The following RAD23B variants were observed in gnomAD, a reference collection of about 807,000 sequenced individuals.
RAD23B encodes the protein RAD23 nucleotide excision repair protein B.
A neutral mutation model predicts 49.1 loss-of-function variants in RAD23B; 5 were observed. That is an observed-to-expected ratio of 0.10 (90% CI 0.05 to 0.21). The LOEUF (loss-of-function observed/expected upper bound fraction) is 0.21. Ranked by LOEUF, RAD23B falls within the 10% of genes least tolerant of loss-of-function variation. The pLI, the probability that RAD23B is intolerant of heterozygous loss-of-function variation, is 1.00. For synonymous variants in RAD23B, 184 were observed against 165.4 expected (o/e 1.11, Z -0.86); for missense variants, 356 against 486.7 (o/e 0.73, Z 2.53).
Position 107,318,801 on chromosome 9 carries a change from C to G in RAD23B, c.603C>G (p.Gly201=). Residue 201 remains glycine, a synonymous_variant, in exon 6 of 10, where the codon GGC becomes GGG. Coordinates refer to ENST00000358015, the MANE Select transcript of RAD23B (RefSeq NM_002874.5). This position sits in a 1 kb window ranked among gnomAD's most constrained non-coding sequence, Gnocchi z 4.3. Reference sequence around the variant, plus strand: ...TGGTAACTGAGATCATGTCAATGGGCTATGAACGAGAGCAAGTAATTGCAG... The same window carrying G: ...TGGTAACTGAGATCATGTCAATGGGGTATGAACGAGAGCAAGTAATTGCAG... ...ENMVTEIMSM[G]YEREQVIAAL... 6.2e-7 allele frequency: 1 copy of G among 1,613,428 alleles called. No individual in the cohort carries two copies. The highest frequency in any genetic ancestry group is 8.5e-7 in the Non-Finnish European group (1 of 1,179,490).
At position 107,311,673 on chromosome 9, in the gene RAD23B, C is replaced by G. The variant is rs370202368; in HGVS notation, c.498-9C>G. 6 of 1,554,008 alleles carry G rather than the reference C, an allele frequency of 3.9e-6. No homozygotes were observed. Among genetic ancestry groups the G allele is most frequent in the African/African-American group, 2.8e-5 (2 of 71,424 alleles). ...TTTAAAATGTGATTTTTCTAAAATC[C>G]TTTTGTAGTACATCGGGTGATTCTT... On this transcript the variant is annotated splice_polypyrimidine_tract_variant and intron_variant, in intron 4 of 9. Coordinates refer to ENST00000358015, the MANE Select transcript of RAD23B (RefSeq NM_002874.5).
At chr9:107,303,487 G>A (rs1359247345) in intron 3 of RAD23B, among the ~76,000 whole-genome samples, 5 of 152,150 alleles carry the variant, frequency 3.3e-5, no homozygotes, top group Non-Finnish European at 5.9e-5. Context: ...GAATCGTGAG[G>A]AAACCTTGTA....
intron 1 of RAD23B, among the ~76,000 whole-genome samples, chr9:107,298,874 A>T (rs986256478): frequency 6.6e-6 from 1 of 152,060 alleles, no homozygotes; most frequent in Non-Finnish European, 1.5e-5. Flanking sequence ...TTACCTTTGA[A>T]ATGGGGAACA....
At chr9:107,298,821 T>A (rs540686468) in intron 1 of RAD23B, among the ~76,000 whole-genome samples, 1 of 152,226 alleles carries the variant, frequency 6.6e-6, no homozygotes, top group East Asian at 1.9e-4. Flanking sequence ...ACTTTTTTTT[T>A]TGCAAATCTG....
chr9:107,285,383 A>G (rs2133059350), intron 1 of RAD23B, among the ~76,000 whole-genome samples: 1 of 152,354 alleles, frequency 6.6e-6, no homozygotes, highest in South Asian at 2.1e-4. Flanking sequence ...CAGTAACTTA[A>G]TCGGCTTATA....
At chr9:107,294,568 T>A (rs1247878335) in intron 1 of RAD23B, among the ~76,000 whole-genome samples, 1 of 152,222 alleles carries the variant, frequency 6.6e-6, no homozygotes, top group Non-Finnish European at 1.5e-5. Flanking sequence ...CTTTGAAGCA[T>A]CCAGAAAGAA....
chr9:107,323,835 A>C, intron 7 of RAD23B, 55 bp from the exon 8 acceptor site: 1 of 1,478,454 alleles, frequency 6.8e-7, no homozygotes, highest in East Asian at 2.3e-5. Flanking sequence ...TTATTTAACC[A>C]CTGTTTGTGT....
At position 107,324,905 on chromosome 9, in the gene RAD23B, A is replaced by T; in HGVS notation, c.1017A>T (p.Gly339=). The T allele has an allele frequency of 6.2e-7, 1 of 1,613,756 alleles. No homozygotes were observed. Among genetic ancestry groups the T allele is most frequent in the Non-Finnish European group, 8.5e-7 (1 of 1,179,948 alleles). Residue 339 remains glycine, a synonymous_variant, in exon 9 of 10, where the codon GGA becomes GGT. Coordinates refer to ENST00000358015, the MANE Select transcript of RAD23B (RefSeq NM_002874.5). ...CAGTTCAAGAAGCTGGTGGTCAAGG[A>T]GGAGGAGGTGGAGGTGGCAGTGGAG... ...NEPVQEAGGQ[G]GGGGGGSGGI... is the part of the protein sequence containing the mutation.
chr9:107,303,754 T>C (rs1826705960), intron 3 of RAD23B, among the ~76,000 whole-genome samples: 1 of 152,204 alleles, frequency 6.6e-6, no homozygotes, highest in Admixed American at 6.5e-5. Flanking sequence ...CCTATTTTCC[T>C]ATCTAGTTTT....
intron 1 of RAD23B, among the ~76,000 whole-genome samples, chr9:107,290,682 T>C (rs185748603): frequency 6.6e-6 from 1 of 152,256 alleles, no homozygotes; most frequent in South Asian, 2.1e-4. Context: ...CATGGAAATA[T>C]TTAGTGAATT....
In RAD23B at chr9:107,324,821, C is replaced by A; in HGVS notation, c.946-13C>A. The A allele has an allele frequency of 6.3e-7, 1 of 1,587,368 alleles. No homozygotes were observed. Among genetic ancestry groups the A allele is most frequent in the Non-Finnish European group, 8.6e-7 (1 of 1,168,494 alleles). ...CAGTGTATTATTTTTCTCTGTCCTT[C>A]ATATCACCACAGCAAATTAGCCAAC... is the stretch of plus-strand genomic sequence containing the variant. On this transcript the variant is annotated splice_polypyrimidine_tract_variant and intron_variant, in intron 8 of 9. Coordinates refer to ENST00000358015, the MANE Select transcript of RAD23B (RefSeq NM_002874.5).
chr9:107,300,469 G>C (rs1210824262), intron 2 of RAD23B, among the ~76,000 whole-genome samples: 1 of 151,110 alleles, frequency 6.6e-6, no homozygotes, highest in Non-Finnish European at 1.5e-5. Context: ...CGTGTAACTG[G>C]CTTTTGTTTT....
intron 1 of RAD23B, among the ~76,000 whole-genome samples, chr9:107,291,849 G>T (rs1452523126): frequency 6.6e-6 from 1 of 152,134 alleles, no homozygotes; most frequent in Non-Finnish European, 1.5e-5. Flanking sequence ...TTTAATTGCT[G>T]CTATTATTTT....
At chr9:107,326,783 G>A (rs967251442) in intron 9 of RAD23B, among the ~76,000 whole-genome samples, 2 of 151,182 alleles carry the variant, frequency 1.3e-5, no homozygotes, top group Non-Finnish European at 2.9e-5. Context: ...ACAGGCACCC[G>A]CCACCATGCC....
intron 1 of RAD23B, among the ~76,000 whole-genome samples, 154 bp from the exon 2 acceptor site, chr9:107,299,987 C>A (rs895975496): frequency 6.6e-6 from 1 of 151,996 alleles, no homozygotes; most frequent in Non-Finnish European, 1.5e-5. Flanking sequence ...AATGTTGAAT[C>A]TTTTTTGATA....
chr9:107,310,266 A>T (rs1159485572), intron 4 of RAD23B, among the ~76,000 whole-genome samples: 1 of 152,204 alleles, frequency 6.6e-6, no homozygotes, highest in Admixed American at 6.5e-5. Context: ...CAAAGCCATA[A>T]GCTAATGGAG....
chr9:107,325,605 C>T (rs900453689), intron 9 of RAD23B, among the ~76,000 whole-genome samples: 2 of 151,808 alleles, frequency 1.3e-5, no homozygotes, highest in African/African-American at 4.8e-5. Flanking sequence ...ATCATAAAAC[C>T]TTCTTGAACT....
At chr9:107,286,659 C>G (rs1033053103) in intron 1 of RAD23B, among the ~76,000 whole-genome samples, 13 of 152,076 alleles carry the variant, frequency 8.5e-5, no homozygotes, top group Non-Finnish European at 1.2e-4. Flanking sequence ...AGGAGATTTT[C>G]TTCATTATGT....
chr9:107,325,043 C>G lies in RAD23B; in HGVS notation c.1116+39C>G. ...AAACTTTAAAAAAATTAGTTCTTGGCTGGGCTCATGCCTGTAATTCCAGCA... is the reference window on the plus strand; with the variant it reads ...AAACTTTAAAAAAATTAGTTCTTGGGTGGGCTCATGCCTGTAATTCCAGCA... On this transcript the variant is annotated intron_variant, in intron 9 of 9. Transcript: ENST00000358015. 3 of 1,571,408 alleles carry G rather than the reference C, an allele frequency of 1.9e-6. No individual in the cohort carries two copies. In the South Asian group the frequency reaches 3.4e-5, roughly 18 times the overall value.
Sources: allele counts gnomAD v4.1 joint callset (sites outside exome capture counted in the v4.1 genomes callset), GRCh38; gene constraint gnomAD v4.1.1; non-coding constraint Gnocchi (gnomAD v3.1); transcripts MANE v1.5; gene names NCBI Gene and HGNC (gene_info 2026-07-23, HGNC 2026-07-21).